PPP2R2B: variants seen among roughly 807,000 people sequenced by gnomAD.
PPP2R2B encodes the protein protein phosphatase 2 regulatory subunit Bbeta.
A neutral mutation model predicts 46.0 loss-of-function variants in PPP2R2B; 5 were observed. The observed-to-expected ratio is 0.11, with a 90% CI of 0.06 to 0.23. The LOEUF is 0.23. Among genes scored for constraint, PPP2R2B ranks in the 10% least tolerant of loss-of-function variants. The pLI, the probability that PPP2R2B is intolerant of heterozygous loss-of-function variation, is 1.00. For synonymous variants in PPP2R2B, 215 were observed against 206.7 expected (o/e 1.04, Z -0.34); for missense variants, 367 against 575.0 (o/e 0.64, Z 3.70).
intron 1 of PPP2R2B, among the ~76,000 whole-genome samples, chr5:146,941,545 G>A (rs1297217530): frequency 3.3e-5 from 5 of 152,128 alleles, no homozygotes; most frequent in African/African-American, 1.2e-4. Flanking sequence ...CAGCATTTAT[G>A]TCATCTGTAG....
At chr5:146,644,574 A>C (rs1442766558) in intron 6 of PPP2R2B, among the ~76,000 whole-genome samples, 1 of 152,172 alleles carries the variant, frequency 6.6e-6, no homozygotes, top group Non-Finnish European at 1.5e-5. Flanking sequence ...CGATGGGTAA[A>C]GTTTGAGATA....
chr5:146,823,049 C>T (rs1048989913), intron 2 of PPP2R2B, among the ~76,000 whole-genome samples: 1 of 152,152 alleles, frequency 6.6e-6, no homozygotes, highest in Admixed American at 6.5e-5. Flanking sequence ...TTTGGAGACA[C>T]TCCCTCCATG....
At chr5:146,900,425 A>G (rs491799) in intron 1 of PPP2R2B, among the ~76,000 whole-genome samples, 73,562 of 151,904 alleles carry the variant, frequency 0.48, 19,640 homozygotes, top group East Asian at 0.7. Context: ...ATGTAAAGGA[A>G]CATTATGTCA....
intron 7 of PPP2R2B, among the ~76,000 whole-genome samples, chr5:146,603,556 C>T (rs946852586): frequency 1.3e-5 from 2 of 152,204 alleles, no homozygotes; most frequent in Non-Finnish European, 2.9e-5. Flanking sequence ...AGGTAGCACA[C>T]AGAGGGCAAG....
chr5:146,732,036 T>C (rs1049988427), intron 2 of PPP2R2B, among the ~76,000 whole-genome samples: 1 of 152,150 alleles, frequency 6.6e-6, no homozygotes, highest in Non-Finnish European at 1.5e-5. Context: ...CAACCTTCTG[T>C]GGAGATTTTT....
chr5:146,973,883 C>G (rs546089845), intron 1 of PPP2R2B, among the ~76,000 whole-genome samples: 1 of 152,312 alleles, frequency 6.6e-6, no homozygotes, highest in East Asian at 1.9e-4. Flanking sequence ...ATAATAGGCA[C>G]TCATCTGAGA....
chr5:146,813,530 C>T (rs1420143307), intron 2 of PPP2R2B, among the ~76,000 whole-genome samples: 1 of 152,120 alleles, frequency 6.6e-6, no homozygotes, highest in African/African-American at 2.4e-5. Context: ...GAGACAAATC[C>T]AAGTAGGCAC....
intron 2 of PPP2R2B, chr5:146,707,566 CA>C: frequency 1.4e-6 from 1 of 711,196 alleles, no homozygotes; most frequent in Non-Finnish European, 2.6e-6. Context: ...CAGAGGTGGA[CA>C]CCTTGTAGGA....
At chr5:146,819,680 CAG>C (rs1758142624) in intron 2 of PPP2R2B, among the ~76,000 whole-genome samples, 1 of 151,984 alleles carries the variant, frequency 6.6e-6, no homozygotes, top group African/African-American at 2.4e-5. Context: ...AAAGAAATTA[CAG>C]AGATACCCTT....
chr5:146,876,377 T>C (rs1020192641), intron 2 of PPP2R2B, among the ~76,000 whole-genome samples: 4 of 152,182 alleles, frequency 2.6e-5, no homozygotes, highest in African/African-American at 9.7e-5. Context: ...AAGTTTCTCT[T>C]GCCTGCATAA....
intron 2 of PPP2R2B, among the ~76,000 whole-genome samples, chr5:146,740,334 AAGTTACTAAG>A (rs1452557117): frequency 2.6e-5 from 4 of 152,202 alleles, no homozygotes; most frequent in African/African-American, 9.7e-5. Flanking sequence ...TATGTCTCCT[AAGTTACTAAG>A]AGCACCTGAT....
intron 1 of PPP2R2B, among the ~76,000 whole-genome samples, chr5:146,935,903 G>A (rs1764124011): frequency 6.6e-6 from 1 of 152,028 alleles, no homozygotes; most frequent in African/African-American, 2.4e-5. Flanking sequence ...CAGCAACTTA[G>A]GCAAGTTATG....
intron 2 of PPP2R2B, among the ~76,000 whole-genome samples, chr5:146,739,079 G>A (rs569847714): frequency 1.3e-5 from 2 of 152,036 alleles, no homozygotes; most frequent in South Asian, 2.1e-4. Flanking sequence ...GAGTGTAGTG[G>A]TGTGATCACG....
chr5:146,896,624 AC>A (rs1456909135), intron 1 of PPP2R2B, among the ~76,000 whole-genome samples: 1 of 152,204 alleles, frequency 6.6e-6, no homozygotes, highest in Non-Finnish European at 1.5e-5. Context: ...GTGAGATCTT[AC>A]AAAATGATAA....
rs184376951 is a variant in PPP2R2B at position 146,730,864 on chromosome 5, G to A, written c.71-29722C>T. 1.4e-4 allele frequency among the ~76,000 whole-genome samples: 21 copies of A among 152,286 alleles called. No individual in the cohort carries two copies. The East Asian group carries it at 3.9e-3, about 28-fold the overall frequency. ...GAAATTAAACTTATATCATTAAAAA[G>A]AGAGGTGATCAGGGAAGCCTGAATT... is the stretch of plus-strand genomic sequence containing the variant. On this transcript the variant is annotated intron_variant, in intron 2 of 9. Coordinates refer to ENST00000394411, the MANE Select transcript of PPP2R2B (RefSeq NM_181675.4).
intron 2 of PPP2R2B, among the ~76,000 whole-genome samples, chr5:146,869,092 C>T (rs563916053): frequency 6.6e-6 from 1 of 152,282 alleles, no homozygotes; most frequent in South Asian, 2.1e-4. Flanking sequence ...CATTCAAATC[C>T]ACAATGGTTT....
intron 2 of PPP2R2B, among the ~76,000 whole-genome samples, chr5:146,839,230 T>C (rs1759479583): frequency 6.6e-6 from 1 of 152,152 alleles, no homozygotes; most frequent in Non-Finnish European, 1.5e-5. Flanking sequence ...AGTCCTAAAA[T>C]GTATATGTGG....
At chr5:146,895,438 C>G (rs1762615561) in intron 1 of PPP2R2B, among the ~76,000 whole-genome samples, 1 of 152,182 alleles carries the variant, frequency 6.6e-6, no homozygotes, top group African/African-American at 2.4e-5. Flanking sequence ...AGAATCATGT[C>G]TGTTTTTTAT....
intron 2 of PPP2R2B, among the ~76,000 whole-genome samples, chr5:146,814,603 G>A (rs948357537): frequency 1.1e-4 from 16 of 152,160 alleles, no homozygotes; most frequent in African/African-American, 2.7e-4. Context: ...TCAAGCATGC[G>A]CACTAAGGCA....
Sources: allele counts gnomAD v4.1 joint callset (sites outside exome capture counted in the v4.1 genomes callset), GRCh38; gene constraint gnomAD v4.1.1; transcripts MANE v1.5; gene names NCBI Gene and HGNC (gene_info 2026-07-23, HGNC 2026-07-21).